EXD3: variants seen among roughly 807,000 people sequenced by gnomAD.
The protein encoded by EXD3 is exonuclease mut-7 homolog.
A neutral mutation model predicts 98.0 loss-of-function variants in EXD3; 92 were observed. The observed-to-expected ratio is 0.94, with a 90% CI of 0.79 to 1.12. The LOEUF is 1.12. Ranked by LOEUF, EXD3 falls within the 50% of genes most tolerant of loss-of-function variation. The pLI is 0.00. For missense variants in EXD3, 1,222 were observed against 1,191.6 expected (o/e 1.03, Z -0.38); for synonymous variants, 569 against 526.0 (o/e 1.08, Z -1.12).
chr9:137,311,944 C>T (rs1831381859), intron 19 of EXD3, among the ~76,000 whole-genome samples: 2 of 152,294 alleles, frequency 1.3e-5, no homozygotes, highest in Admixed American at 1.3e-4. Context: ...CTGCCTGATA[C>T]CCTGAGACCC....
chr9:137,412,816 C>T (rs1403114536), intron 1 of EXD3, among the ~76,000 whole-genome samples: 3 of 152,166 alleles, frequency 2.0e-5, no homozygotes, highest in African/African-American at 4.8e-5. Flanking sequence ...GTCTCACTGT[C>T]GCCCAGGATG....
At position 137,356,253 on chromosome 9, in the gene EXD3, G is replaced by A; in HGVS notation, c.757+15C>T. 6.3e-7 allele frequency: 1 copy of A among 1,578,684 alleles called. No individual in the cohort carries two copies. Among genetic ancestry groups the A allele is most frequent in the South Asian group, 1.1e-5 (1 of 87,324 alleles). On this transcript the variant is annotated intron_variant, in intron 8 of 21. Coordinates refer to ENST00000340951, the MANE Select transcript of EXD3 (RefSeq NM_017820.5). ...TCCCTGGCCTGTGGGGCAGGAATGTGGGGGCTGGACTCACCTGGGGCTACG... is the reference window on the plus strand; with the variant it reads ...TCCCTGGCCTGTGGGGCAGGAATGTAGGGGCTGGACTCACCTGGGGCTACG...
At chr9:137,374,891 TG>T (rs1424200796) in intron 3 of EXD3, 1 of 981,556 alleles carries the variant, frequency 1.0e-6, no homozygotes, top group African/African-American at 1.7e-5. Flanking sequence ...TAGTGAGTCC[TG>T]GCCCTAGTGA....
chr9:137,326,960 C>T (rs954459401), intron 17 of EXD3, among the ~76,000 whole-genome samples: 2 of 151,834 alleles, frequency 1.3e-5, no homozygotes, highest in Admixed American at 6.6e-5. Context: ...CAGGCTACGT[C>T]GTGAATAAAC....
In EXD3 at chr9:137,393,204, G is replaced by C. The variant is rs560795381; in HGVS notation, c.55+2099C>G. On this transcript the variant is annotated intron_variant, in intron 2 of 21. Coordinates refer to ENST00000340951, the MANE Select transcript of EXD3 (RefSeq NM_017820.5). This position sits in a 1 kb window ranked among gnomAD's most constrained non-coding sequence, Gnocchi z 4.6. ...TTTGAAAACATCCCACTCTGCTTAG[G>C]TGGAGAAGAGGCTGTAGAAGCCTGT... 4.0e-4 allele frequency: 278 copies of C among 702,636 alleles called. No individual in the cohort carries two copies. The highest frequency in any genetic ancestry group is 6.6e-4 in the Non-Finnish European group (253 of 384,928). 43.5% of individuals were successfully genotyped at this position (702,636 alleles called of 1,614,324 possible). A position where few individuals can be genotyped will look rare whatever the true frequency, so the allele number is the denominator to read the frequency against.
chr9:137,307,957 C>T (rs1304572864), intron 20 of EXD3, among the ~76,000 whole-genome samples: 7 of 135,920 alleles, frequency 5.2e-5, no homozygotes, highest in Non-Finnish European at 6.1e-5. Context: ...CGGGCGGGGG[C>T]GGGGGCAGCC....
chr9:137,318,937 G>A (rs915388353), intron 19 of EXD3, among the ~76,000 whole-genome samples: 9 of 152,272 alleles, frequency 5.9e-5, no homozygotes, highest in Non-Finnish European at 4.4e-5. Context: ...ACCACCCAGA[G>A]AGCACCCCAG....
intron 9 of EXD3, 39 bp downstream of exon 9, chr9:137,354,661 G>A (rs367900160): frequency 8.3e-5 from 133 of 1,607,238 alleles, no homozygotes; most frequent in African/African-American, 1.9e-4. Context: ...GGCTCAGGCC[G>A]CGGCTGGCTG....
intron 17 of EXD3, among the ~76,000 whole-genome samples, chr9:137,327,831 T>C (rs371492083): frequency 4.5e-5 from 4 of 87,948 alleles, no homozygotes; most frequent in African/African-American, 1.4e-4. Context: ...TATACACCCA[T>C]ATGATGAGTA....
chr9:137,416,435 G>C (rs979314571), intron 1 of EXD3, among the ~76,000 whole-genome samples: 1 of 152,216 alleles, frequency 6.6e-6, no homozygotes, highest in Non-Finnish European at 1.5e-5. Context: ...GCACAGCCAG[G>C]GAGGGACCGC....
intron 17 of EXD3, among the ~76,000 whole-genome samples, chr9:137,333,996 C>G (rs2119161060): frequency 6.6e-6 from 1 of 151,838 alleles, no homozygotes; most frequent in South Asian, 2.1e-4. Context: ...GCGCCCACCA[C>G]CAAGCCCAGC....
At chr9:137,351,011 C>T in intron 14 of EXD3, 27 bp downstream of exon 14, 1 of 1,545,296 alleles carries the variant, frequency 6.5e-7, no homozygotes, top group Non-Finnish European at 8.7e-7. Context: ...CACCCGGCAT[C>T]TTGTGAGCGG....
Position 137,398,874 on chromosome 9 carries a change from C to T in EXD3, c.-47-3470G>A, listed in dbSNP as rs552494378. 1.2e-3 allele frequency among the ~76,000 whole-genome samples: 174 copies of T among 150,788 alleles called. 2 individuals are homozygous for T. The highest frequency in any genetic ancestry group is 3.8e-3 in the African/African-American group (154 of 40,924). ...CAAGACACACAGGCACCCGCGTCCC[C>T]GTGACACACATGCACCCGCGTCCCC... On this transcript the variant is annotated intron_variant, in intron 1 of 21. Transcript: ENST00000340951.
At chr9:137,414,010 G>C (rs531712274) in intron 1 of EXD3, among the ~76,000 whole-genome samples, 1 of 148,064 alleles carries the variant, frequency 6.8e-6, no homozygotes, top group Admixed American at 6.8e-5. Flanking sequence ...TCTGCCTCCC[G>C]GGTTTACGCC....
At chr9:137,327,541 A>C (rs1249907639) in intron 17 of EXD3, among the ~76,000 whole-genome samples, 1 of 152,144 alleles carries the variant, frequency 6.6e-6, no homozygotes, top group African/African-American at 2.4e-5. Context: ...AAAAATGGTT[A>C]AAATGGTCAA....
chr9:137,379,999 C>T (rs113006870), intron 3 of EXD3, among the ~76,000 whole-genome samples: 8 of 152,050 alleles, frequency 5.3e-5, no homozygotes, highest in African/African-American at 1.7e-4. Context: ...GGTCCCAGCC[C>T]GTTGTTCCGG....
intron 17 of EXD3, among the ~76,000 whole-genome samples, chr9:137,338,892 C>CAAAAA (rs766408966): frequency 1.9e-4 from 12 of 63,586 alleles, no homozygotes; most frequent in African/African-American, 5.4e-4. Context: ...GACTCCATCT[C>CAAAAA]AAAAAAAAAA....
At chr9:137,353,885 G>A in intron 10 of EXD3, 1 of 990,966 alleles carries the variant, frequency 1.0e-6, no homozygotes, top group Non-Finnish European at 1.2e-6. Flanking sequence ...CCCGGCGTGG[G>A]TTCCCACGTG....
At chr9:137,355,513 AGGAGGAAGGAGGATG>A (rs1834636042) in intron 8 of EXD3, among the ~76,000 whole-genome samples, 2 of 16,862 alleles carry the variant, frequency 1.2e-4, no homozygotes, top group African/African-American at 4.3e-4. Flanking sequence ...GGAAGGAGGA[AGGAGGAAGGAGGATG>A]GAGGAAGGAG....
Sources: allele counts gnomAD v4.1 joint callset (sites outside exome capture counted in the v4.1 genomes callset), GRCh38; gene constraint gnomAD v4.1.1; non-coding constraint Gnocchi (gnomAD v3.1); transcripts MANE v1.5; gene names NCBI Gene and HGNC (gene_info 2026-07-23, HGNC 2026-07-21).